ACE: variants seen among roughly 807,000 people sequenced by gnomAD.
ACE encodes the protein angiotensin I converting enzyme.
A neutral mutation model predicts 162.3 loss-of-function variants in ACE; 122 were observed. That is an observed-to-expected ratio of 0.75 (90% CI 0.65 to 0.87). The LOEUF (loss-of-function observed/expected upper bound fraction) is 0.87, where lower values mean the gene tolerates loss of function less well. Among genes scored for constraint, ACE ranks in the 40% least tolerant of loss-of-function variants. The probability of loss-of-function intolerance (pLI) is 0.00; values close to 1 mark genes in which losing one functional copy is unlikely to be tolerated. For missense variants in ACE, 1,799 were observed against 1,735.1 expected (o/e 1.04, Z -0.65); for synonymous variants, 796 against 720.6 (o/e 1.10, Z -1.68).
chr17:63,489,159 A>T (rs770389204), intron 17 of ACE, 27 bp downstream of exon 17: 32 of 1,600,974 alleles, frequency 2.0e-5, no homozygotes, highest in Middle Eastern at 3.3e-4. Context: ...GGCCTTGAGG[A>T]GGGTAAAGAC....
In ACE at chr17:63,477,988, G is replaced by A; in HGVS notation, c.307G>A (p.Glu103Lys). The A allele has an allele frequency of 3.7e-6, 6 of 1,612,312 alleles. No homozygotes were observed. The highest frequency in any genetic ancestry group is 1.1e-5 in the South Asian group (1 of 90,734). Reference sequence around the variant, plus strand: ...GGAGGCCTGGGGCCAGAAGGCCAAGGAGCTGTATGAACCGATCTGGCAGAA... The same window carrying A: ...GGAGGCCTGGGGCCAGAAGGCCAAGAAGCTGTATGAACCGATCTGGCAGAA... ...FAEAWGQKAK[E>K]LYEPIWQNFT... Residue 103 changes from glutamate to lysine, a missense_variant, in exon 2 of 25, where the codon GAG becomes AAG. Physicochemically the swap from Glu to Lys is moderately conservative, Grantham distance 56 (BLOSUM62 1). Transcript: ENST00000290866.
At chr17:63,479,937 G>T in intron 4 of ACE, 25 bp downstream of exon 4, 1 of 1,596,244 alleles carries the variant, frequency 6.3e-7, no homozygotes, top group Non-Finnish European at 8.5e-7. Context: ...CCCTGTCCAG[G>T]AACCACGCCA....
At chr17:63,480,800 A>G (rs1164880348) in intron 5 of ACE, among the ~76,000 whole-genome samples, 1 of 152,240 alleles carries the variant, frequency 6.6e-6, no homozygotes, top group African/African-American at 2.4e-5. Flanking sequence ...GGGAGCCATC[A>G]GCCTAGCTCA....
At chr17:63,478,724 G>A (rs762361043) in intron 2 of ACE, 30 of 506,686 alleles carry the variant, frequency 5.9e-5, no homozygotes, top group South Asian at 1.2e-4. Context: ...CAGAGAATGG[G>A]AGGGATCTGC....
At chr17:63,483,210 G>A (rs745588779) in intron 9 of ACE, 37 bp downstream of exon 9, 3 of 1,611,958 alleles carry the variant, frequency 1.9e-6, no homozygotes, top group Non-Finnish European at 2.5e-6. Flanking sequence ...GCCCCAGCTA[G>A]CCCTCCCCAG....
Position 63,491,070 on chromosome 17 carries a change from G to A in ACE, c.2739+19G>A. ...AAAGCAGGTCCGCACCAGCCCAGGG[G>A]CAGGGAGGCCCCGCCGGGATGGGAG... On this transcript the variant is annotated intron_variant, in intron 18 of 24. Coordinates refer to ENST00000290866, the MANE Select transcript of ACE (RefSeq NM_000789.4). This position sits in a 1 kb window ranked among gnomAD's most constrained non-coding sequence, Gnocchi z 4.4. 6.2e-7 allele frequency: 1 copy of A among 1,613,916 alleles called. No homozygotes were observed. Among genetic ancestry groups the A allele is most frequent in the Non-Finnish European group, 8.5e-7 (1 of 1,179,868 alleles).
At chr17:63,480,095 G>GC (rs769622601) in intron 4 of ACE, among the ~76,000 whole-genome samples, 183 bp downstream of exon 4, 2 of 152,302 alleles carry the variant, frequency 1.3e-5, no homozygotes, top group Non-Finnish European at 2.9e-5. Flanking sequence ...CTGCTGGCCT[G>GC]CCCCACGTGG....
chr17:63,478,303 A>G, intron 2 of ACE: 1 of 684,662 alleles, frequency 1.5e-6, no homozygotes, highest in Non-Finnish European at 2.4e-6. Flanking sequence ...CTGTTAAAGG[A>G]AGCATTCTGG....
At chr17:63,483,270 T>C in intron 9 of ACE, 97 bp downstream of exon 9, 1 of 1,593,226 alleles carries the variant, frequency 6.3e-7, no homozygotes, top group Non-Finnish European at 8.6e-7. Context: ...TAGCCTCTCC[T>C]CTCTAATGAT....
In ACE at chr17:63,480,399, C is replaced by G; in HGVS notation, c.718C>G (p.Leu240Val). ...WYNSPTFEDD[L>V]EHLYQQLEPL... is the part of the protein sequence containing the mutation. ...CAACTCCCCCACCTTCGAGGACGAT[C>G]TGGAACACCTCTACCAACAGCTAGA... is the stretch of plus-strand genomic sequence containing the variant. Residue 240 changes from leucine (L) to valine (V), a missense_variant, in exon 5 of 25, where the codon CTG becomes GTG. By Grantham distance (32) the Leu-to-Val change is conservative (BLOSUM62 1). Coordinates refer to ENST00000290866, the MANE Select transcript of ACE (RefSeq NM_000789.4). The G allele has an allele frequency of 6.2e-7, 1 of 1,614,156 alleles. No individual in the cohort carries two copies. Among genetic ancestry groups the G allele is most frequent in the South Asian group, 1.1e-5 (1 of 91,086 alleles).
intron 17 of ACE, 63 bp downstream of exon 17, chr17:63,489,195 G>A: frequency 6.4e-7 from 1 of 1,566,270 alleles, no homozygotes; most frequent in Non-Finnish European, 8.6e-7. Context: ...TGAGGGTTGG[G>A]ACAGGGCTGA....
chr17:63,492,857 T>TA (rs2030472102), intron 19 of ACE, among the ~76,000 whole-genome samples: 2 of 151,976 alleles, frequency 1.3e-5, no homozygotes, highest in Admixed American at 6.5e-5. Context: ...CCCCATTTCA[T>TA]AAAAAATAAA....
intron 15 of ACE, among the ~76,000 whole-genome samples, chr17:63,488,315 C>T (rs1169959441): frequency 1.4e-5 from 2 of 145,192 alleles, no homozygotes; most frequent in East Asian, 2.1e-4. Context: ...GCCGAGATGG[C>T]GCCACTGCAC....
rs1333836318 is a variant in ACE at position 63,477,223 on chromosome 17, G to A, written c.129G>A (p.Glu43=). 12 of 1,499,600 alleles carry A rather than the reference G, an allele frequency of 8.0e-6. No individual in the cohort carries two copies. In the African/African-American group the frequency reaches 1.6e-4, roughly 20 times the overall value. The allele number at this position is 1,499,600 out of a possible 1,614,324, so 92.9% of individuals were successfully genotyped here. Residue 43 remains glutamate (E), a synonymous_variant, in exon 1 of 25, where the codon GAG becomes GAA. Transcript: ENST00000290866. The stretch of plus-strand genomic sequence containing the variant: ...AGCCCGGCAACTTTTCTGCTGACGA[G>A]GCCGGGGCGCAGCTCTTCGCGCAGA... ...GLQPGNFSAD[E]AGAQLFAQSY...
At chr17:63,492,686 G>C (rs1193636539) in intron 19 of ACE, among the ~76,000 whole-genome samples, 4 of 152,210 alleles carry the variant, frequency 2.6e-5, no homozygotes, top group African/African-American at 7.2e-5. Flanking sequence ...CTTCCAGTTA[G>C]ATCCAAGAGA....
rs774484341 is a variant in ACE at position 63,482,630 on chromosome 17, T to G, written c.1283T>G (p.Val428Gly). Residue 428 changes from valine to glycine, a missense_variant, in exon 8 of 25, where the codon GTC becomes GGC. Transcript: ENST00000290866. Reference sequence around the variant, plus strand: ...ATTGGGGACGTGCTGGCGCTCTCGGTCTCCACTCCTGAACATCTGCACAAA... The same window carrying G: ...ATTGGGGACGTGCTGGCGCTCTCGGGCTCCACTCCTGAACATCTGCACAAA... ...EAIGDVLALS[V>G]STPEHLHKIG... 71 of 1,613,788 alleles carry G rather than the reference T, an allele frequency of 4.4e-5. No individual in the cohort carries two copies. Among genetic ancestry groups the G allele is most frequent in the Non-Finnish European group, 6.0e-5 (71 of 1,179,970 alleles).
chr17:63,483,889 G>A lies in ACE; in HGVS notation c.1627G>A (p.Ala543Thr). 6 of 1,614,154 alleles carry A rather than the reference G, an allele frequency of 3.7e-6. No homozygotes were observed. Among genetic ancestry groups the A allele is most frequent in the Non-Finnish European group, 5.1e-6 (6 of 1,180,044 alleles). The change falls in exon 11 of 25, where the codon GCC (alanine) becomes ACC (threonine). Residue 543 changes from alanine (A) to threonine (T), a missense_variant. Physicochemically the swap from Ala to Thr is moderately conservative, Grantham distance 58. Transcript: ENST00000290866. ...TGTCCTGCAGTTCCAGTTCCATGAAGCCCTGTGCAAGGAGGCAGGCTATGA... is the reference window on the plus strand; with the variant it reads ...TGTCCTGCAGTTCCAGTTCCATGAAACCCTGTGCAAGGAGGCAGGCTATGA... Reference protein sequence around the residue: ...SFVLQFQFHEALCKEAGYEGP... With the variant: ...SFVLQFQFHETLCKEAGYEGP...
chr17:63,494,092 G>C, intron 21 of ACE, 26 bp downstream of exon 21: 1 of 1,613,166 alleles, frequency 6.2e-7, no homozygotes, highest in Non-Finnish European at 8.5e-7. Flanking sequence ...CACGGGATGC[G>C]GGCTGGGGGA....
At chr17:63,487,444 C>T (rs912657947) in intron 15 of ACE, among the ~76,000 whole-genome samples, 1 of 152,152 alleles carries the variant, frequency 6.6e-6, no homozygotes, top group African/African-American at 2.4e-5. Flanking sequence ...TTTCGTGACC[C>T]TGCCCTTGAC....
Sources: gnomAD v4.1 joint callset for allele counts (sites outside exome capture counted in the v4.1 genomes callset) on GRCh38, gnomAD v4.1.1 for gene constraint, Gnocchi (gnomAD v3.1) non-coding constraint, MANE v1.5 for transcripts, NCBI Gene and HGNC (gene_info 2026-07-23, HGNC 2026-07-21) for gene names.